PRKN: variants seen among roughly 807,000 people sequenced by gnomAD.
The protein encoded by PRKN is E3 ubiquitin-protein ligase parkin.
A neutral mutation model predicts 59.5 loss-of-function variants in PRKN; 56 were observed. The ratio of observed to expected loss-of-function variants is 0.94; its 90% CI spans 0.76 to 1.18. The LOEUF (loss-of-function observed/expected upper bound fraction) is 1.18, where lower values mean the gene tolerates loss of function less well. PRKN is among the 50% of genes most tolerant of loss of function. The pLI is 0.00. For synonymous variants in PRKN, 250 were observed against 222.1 expected, an observed-to-expected ratio of 1.13 and a Z score of -1.12; for missense variants, 657 against 596.4, an observed-to-expected ratio of 1.10 and a Z score of -1.06.
chr6:162,067,961 C>T (rs1035530701), intron 4 of PRKN, among the ~76,000 whole-genome samples: 1 of 152,194 alleles, frequency 6.6e-6, no homozygotes, highest in Non-Finnish European at 1.5e-5. Context: ...CCATGAACTA[C>T]AGTGAAATCC....
chr6:161,383,788 TCTC>T (rs1562410357), intron 10 of PRKN, among the ~76,000 whole-genome samples: 1 of 152,130 alleles, frequency 6.6e-6, no homozygotes, highest in Non-Finnish European at 1.5e-5. Context: ...TTCATTAACA[TCTC>T]CTCCTGTGCC....
At chr6:162,010,429 A>G in intron 5 of PRKN, among the ~76,000 whole-genome samples, 1 of 21,648 alleles carries the variant, frequency 4.6e-5, no homozygotes, top group Non-Finnish European at 7.1e-5. Flanking sequence ...TACATTTATA[A>G]TATGTAATAT....
chr6:162,623,087 G>C (rs1459958687), intron 1 of PRKN, among the ~76,000 whole-genome samples: 1 of 152,180 alleles, frequency 6.6e-6, no homozygotes, highest in Non-Finnish European at 1.5e-5. Context: ...ACTTAAACTG[G>C]AAACCCAGTC....
intron 6 of PRKN, among the ~76,000 whole-genome samples, chr6:161,847,708 A>G (rs1453198380): frequency 1.3e-5 from 2 of 152,278 alleles, no homozygotes; most frequent in East Asian, 3.9e-4. Context: ...AAGTTAAAGA[A>G]GATTTTCAAA....
intron 2 of PRKN, among the ~76,000 whole-genome samples, chr6:162,349,733 G>T (rs1387436992): frequency 6.6e-6 from 1 of 152,184 alleles, no homozygotes; most frequent in Admixed American, 6.5e-5. Context: ...AGGACCTACA[G>T]CTAACTTTAT....
intron 1 of PRKN, among the ~76,000 whole-genome samples, chr6:162,672,213 AAT>A (rs1170181292): frequency 6.6e-6 from 1 of 152,222 alleles, no homozygotes; most frequent in East Asian, 1.9e-4. Context: ...TGGTCAGAAA[AAT>A]ATGACTTAAA....
intron 1 of PRKN, among the ~76,000 whole-genome samples, chr6:162,499,054 T>C (rs1429923989): frequency 6.6e-6 from 1 of 152,220 alleles, no homozygotes; most frequent in Non-Finnish European, 1.5e-5. Flanking sequence ...AAGACTTCAG[T>C]GGCTCCCTGT....
intron 1 of PRKN, among the ~76,000 whole-genome samples, chr6:162,690,033 G>A (rs963138711): frequency 2.0e-5 from 3 of 151,212 alleles, no homozygotes; most frequent in African/African-American, 7.3e-5. Context: ...TATTCATGTG[G>A]GTTAAATAAG....
At chr6:162,539,420 A>C (rs1778838850) in intron 1 of PRKN, among the ~76,000 whole-genome samples, 1 of 151,918 alleles carries the variant, frequency 6.6e-6, no homozygotes, top group Admixed American at 6.6e-5. Flanking sequence ...TACTAAGATT[A>C]ATTTCAGTTT....
At chr6:161,776,854 G>A (rs1348949855) in intron 7 of PRKN, among the ~76,000 whole-genome samples, 1 of 152,106 alleles carries the variant, frequency 6.6e-6, no homozygotes, top group East Asian at 1.9e-4. Flanking sequence ...ATGATATCGA[G>A]CCTTTACTTC....
intron 7 of PRKN, among the ~76,000 whole-genome samples, chr6:161,752,801 A>T (rs1169978755): frequency 6.6e-6 from 1 of 152,224 alleles, no homozygotes; most frequent in Non-Finnish European, 1.5e-5. Context: ...AAGTTCAGTA[A>T]ACAGATACTA....
At chr6:161,627,506 C>T (rs1783133787) in intron 7 of PRKN, among the ~76,000 whole-genome samples, 1 of 152,216 alleles carries the variant, frequency 6.6e-6, no homozygotes, top group African/African-American at 2.4e-5. Context: ...TCATCAAATG[C>T]TTTCATAAAG....
In PRKN at chr6:161,593,167, C is replaced by T. The variant is rs1417948384; in HGVS notation, c.872-23751G>A. On this transcript the variant is annotated intron_variant, in intron 7 of 11. Transcript: ENST00000366898. This position sits in a 1 kb window ranked among gnomAD's most constrained non-coding sequence, Gnocchi z 4.8. ...CCCCTTACTGTATAGAAAATAATTACGAACTAATAATAACGACAATCATTA... is the reference window on the plus strand; with the variant it reads ...CCCCTTACTGTATAGAAAATAATTATGAACTAATAATAACGACAATCATTA... 2.0e-5 allele frequency among the ~76,000 whole-genome samples: 3 copies of T among 152,116 alleles called. No individual in the cohort carries two copies. Among genetic ancestry groups the T allele is most frequent in the African/African-American group, 7.2e-5 (3 of 41,412 alleles).
chr6:162,654,308 T>C (rs899510616), intron 1 of PRKN, among the ~76,000 whole-genome samples: 4 of 152,216 alleles, frequency 2.6e-5, no homozygotes, highest in African/African-American at 7.2e-5. Flanking sequence ...TATCATCCTA[T>C]GAGATGCATA....
chr6:161,714,096 C>T (rs1441670559), intron 7 of PRKN, among the ~76,000 whole-genome samples: 2 of 152,080 alleles, frequency 1.3e-5, no homozygotes, highest in Non-Finnish European at 2.9e-5. Flanking sequence ...GTGAGAACGA[C>T]GGATACACAC....
At chr6:162,494,248 C>T (rs1204377253) in intron 1 of PRKN, among the ~76,000 whole-genome samples, 2 of 152,164 alleles carry the variant, frequency 1.3e-5, no homozygotes, top group Non-Finnish European at 2.9e-5. Context: ...ACAGCCTGGG[C>T]GTTGGCATCA....
intron 1 of PRKN, among the ~76,000 whole-genome samples, chr6:162,718,508 G>A (rs2187194): frequency 0.085 from 12,913 of 152,094 alleles, 689 homozygotes; most frequent in Middle Eastern, 0.18. Context: ...TCAGGAGATC[G>A]AGACCATCCT....
At chr6:161,844,232 G>A (rs910999982) in intron 6 of PRKN, among the ~76,000 whole-genome samples, 3 of 152,108 alleles carry the variant, frequency 2.0e-5, no homozygotes, top group East Asian at 1.9e-4. Flanking sequence ...TATATTCCTC[G>A]CTTATAATGG....
intron 4 of PRKN, among the ~76,000 whole-genome samples, chr6:162,110,050 T>G (rs1394135728): frequency 6.6e-6 from 1 of 152,238 alleles, no homozygotes; most frequent in African/African-American, 2.4e-5. Flanking sequence ...AGTTTGTTGT[T>G]TGCAACAGTT....
Sources: gnomAD v4.1 joint callset for allele counts (sites outside exome capture counted in the v4.1 genomes callset) on GRCh38, gnomAD v4.1.1 for gene constraint, Gnocchi (gnomAD v3.1) non-coding constraint, MANE v1.5 for transcripts, NCBI Gene and HGNC (gene_info 2026-07-23, HGNC 2026-07-21) for gene names.